Variants in AKT3 observed in about 807,000 individuals in gnomAD.
The protein encoded by AKT3 is AKT serine/threonine kinase 3, also known as RAC-gamma serine/threonine-protein kinase.
Under a neutral mutation model 65.3 loss-of-function variants are expected in AKT3, and 15 were observed. That is an observed-to-expected ratio of 0.23 (90% CI 0.15 to 0.35). AKT3 has a LOEUF of 0.35. AKT3 is among the 10% of genes least tolerant of loss of function. The pLI is 1.00. For synonymous variants in AKT3, 206 were observed against 183.8 expected (o/e 1.12, Z -0.98); for missense variants, 243 against 576.5 (o/e 0.42, Z 5.92).
At chr1:243,825,578 A>G (rs1393438813) in intron 2 of AKT3, among the ~76,000 whole-genome samples, 1 of 152,212 alleles carries the variant, frequency 6.6e-6, no homozygotes, top group Non-Finnish European at 1.5e-5. Context: ...TTTTTGGCTG[A>G]CCATTATTTG....
At chr1:243,555,942 A>G (rs1673377821) in intron 10 of AKT3, among the ~76,000 whole-genome samples, 1 of 152,182 alleles carries the variant, frequency 6.6e-6, no homozygotes, top group African/African-American at 2.4e-5. Context: ...GTCCTTTGTA[A>G]CCACAGATGT....
intron 13 of AKT3, 35 bp downstream of exon 13, chr1:243,512,289 T>G (rs1361405096): frequency 8.6e-7 from 1 of 1,168,730 alleles, no homozygotes; most frequent in South Asian, 1.4e-5. Flanking sequence ...GAAATTATAT[T>G]AGAAATTTAT....
intron 8 of AKT3, among the ~76,000 whole-genome samples, chr1:243,613,293 T>C (rs1464302487): frequency 1.3e-5 from 2 of 151,570 alleles, no homozygotes; most frequent in Non-Finnish European, 2.9e-5. Context: ...GAGTTTAGAA[T>C]GGGTAAAATA....
intron 1 of AKT3, among the ~76,000 whole-genome samples, chr1:243,849,386 A>ACCCCCCCCCCCCCCCCCC (rs57424400): frequency 9.3e-5 from 10 of 107,020 alleles, no homozygotes; most frequent in African/African-American, 3.1e-4. Flanking sequence ...CCACACACAC[A>ACCCCCCCCCCCCCCCCCC]CCCCCCCCCC....
At chr1:243,835,258 C>G (rs994556122) in intron 2 of AKT3, among the ~76,000 whole-genome samples, 3 of 152,072 alleles carry the variant, frequency 2.0e-5, no homozygotes, top group Non-Finnish European at 4.4e-5. Context: ...CCAGACATTG[C>G]CAAATGTCCT....
intron 8 of AKT3, among the ~76,000 whole-genome samples, chr1:243,609,199 A>C (rs1326033716): frequency 1.3e-5 from 2 of 152,076 alleles, no homozygotes; most frequent in Non-Finnish European, 2.9e-5. Context: ...AATTGAAATA[A>C]TCCTACTATA....
intron 12 of AKT3, among the ~76,000 whole-genome samples, chr1:243,544,759 A>G (rs932729589): frequency 3.3e-5 from 5 of 149,678 alleles, no homozygotes; most frequent in African/African-American, 1.2e-4. Context: ...GCTGGAGTAC[A>G]GTGGTGTAAT....
At position 243,500,793 on chromosome 1, in the gene AKT3, A is replaced by G. The variant is rs769095830; in HGVS notation, c.*4456T>C. On this transcript the variant is annotated 3_prime_UTR_variant, in exon 14 of 14. Transcript: ENST00000673466. ...TTGGAGGCGGTGGCATGATCTACAC[A>G]CAGAGACCATTTGAATCTCTTGAGC... 4 of 229,138 alleles carry G rather than the reference A, an allele frequency of 1.7e-5. No homozygotes were observed. The highest frequency in any genetic ancestry group is 2.6e-5 in the Non-Finnish European group (3 of 115,592). 14.2% of individuals were successfully genotyped at this position (229,138 alleles called of 1,614,324 possible).
At chr1:243,799,283 C>A (rs1692237679) in intron 2 of AKT3, among the ~76,000 whole-genome samples, 1 of 152,160 alleles carries the variant, frequency 6.6e-6, no homozygotes, top group African/African-American at 2.4e-5. Context: ...GAAAAGTTAA[C>A]CATAATAGAA....
rs760280114 is a variant in AKT3 at position 243,552,810 on chromosome 1, T to C, written c.1082A>G (p.Glu361Gly). 93 of 1,613,714 alleles carry C rather than the reference T, an allele frequency of 5.8e-5. No homozygotes were observed. The highest frequency in any genetic ancestry group is 7.6e-6 in the Non-Finnish European group (9 of 1,179,816). ...GAGTGTTCGAGGAAATTTAATGTCTTCCATTAATATTAATTCAAAAAGTTT... is the reference window on the plus strand; with the variant it reads ...GAGTGTTCGAGGAAATTTAATGTCTCCCATTAATATTAATTCAAAAAGTTT... ...HEKLFELILM[E>G]DIKFPRTLSS... Residue 361 changes from glutamate (E) to glycine (G), a missense_variant, in exon 11 of 14, where the codon GAA (glutamate) becomes GGA (glycine). Transcript: ENST00000673466.
At chr1:243,732,439 A>G (rs1687621400) in intron 2 of AKT3, among the ~76,000 whole-genome samples, 1 of 152,242 alleles carries the variant, frequency 6.6e-6, no homozygotes, top group South Asian at 2.1e-4. Context: ...TACTAAATAC[A>G]GCAAATGTGT....
At chr1:243,701,846 G>A (rs1204646243) in intron 2 of AKT3, among the ~76,000 whole-genome samples, 1 of 152,024 alleles carries the variant, frequency 6.6e-6, no homozygotes, top group Admixed American at 6.5e-5. Context: ...TGTATGTCAG[G>A]AATAGATGTT....
At chr1:243,808,032 A>T (rs958829218) in intron 2 of AKT3, 2 of 152,226 alleles carry the variant, frequency 1.3e-5, no homozygotes, top group African/African-American at 4.8e-5. Flanking sequence ...ACCCATCTGT[A>T]CGTCACCATC....
chr1:243,627,636 C>T (rs1679279473), intron 6 of AKT3, among the ~76,000 whole-genome samples: 1 of 152,136 alleles, frequency 6.6e-6, no homozygotes, highest in African/African-American at 2.4e-5. Context: ...CACAGGAATA[C>T]CACAGGCTGG....
Position 243,789,824 on chromosome 1 carries a change from T to A in AKT3, c.46+53301A>T, listed in dbSNP as rs959603976. On this transcript the variant is annotated intron_variant, in intron 2 of 13. Transcript: ENST00000673466. ...TGATACCTGGGCTGCAGAATAAATG[T>A]TGTGTTAGCAGGCATGAAAACAACA... Among the ~76,000 whole-genome samples the A allele has an allele frequency of 2.0e-5, 3 of 152,328 alleles. No individual in the cohort carries two copies. In the South Asian group the frequency reaches 6.2e-4, roughly 32 times the overall value.
intron 3 of AKT3, among the ~76,000 whole-genome samples, chr1:243,672,636 C>T (rs996114200): frequency 6.6e-6 from 1 of 152,138 alleles, no homozygotes; most frequent in African/African-American, 2.4e-5. Context: ...TATCATAAAC[C>T]ACCACTTTGG....
At chr1:243,571,507 T>C (rs1314586663) in intron 9 of AKT3, among the ~76,000 whole-genome samples, 1 of 152,212 alleles carries the variant, frequency 6.6e-6, no homozygotes, top group Admixed American at 6.5e-5. Context: ...AAAATTGTTA[T>C]AATTTCCTTA....
chr1:243,609,655 A>G (rs1677716780), intron 8 of AKT3, among the ~76,000 whole-genome samples: 1 of 152,260 alleles, frequency 6.6e-6, no homozygotes, highest in South Asian at 2.1e-4. Context: ...GAGACCCTAG[A>G]GAATCAGTTC....
intron 12 of AKT3, among the ~76,000 whole-genome samples, chr1:243,531,688 T>C (rs1419357234): frequency 6.6e-6 from 1 of 152,210 alleles, no homozygotes; most frequent in East Asian, 1.9e-4. Flanking sequence ...AAAACTGCAC[T>C]GAATCTGTAT....
Sources: allele counts gnomAD v4.1 joint callset (sites outside exome capture counted in the v4.1 genomes callset), GRCh38; gene constraint gnomAD v4.1.1; transcripts MANE v1.5; gene names NCBI Gene and HGNC (gene_info 2026-07-23, HGNC 2026-07-21).